The following CADM2 variants were observed in gnomAD, a reference collection of about 807,000 sequenced individuals.
CADM2 encodes immunoglobulin superfamily member 4D.
Under a neutral mutation model 49.8 loss-of-function variants are expected in CADM2, and 12 were observed. The ratio of observed to expected loss-of-function variants is 0.24; its 90% confidence interval spans 0.15 to 0.39. The LOEUF (loss-of-function observed/expected upper bound fraction) is 0.39. CADM2 is among the 10% of genes least tolerant of loss of function. CADM2 has a pLI of 1.00. For missense variants in CADM2, 378 were observed against 492.3 expected, an observed-to-expected ratio of 0.77 and a Z score of 2.20; for synonymous variants, 214 against 175.4, an observed-to-expected ratio of 1.22 and a Z score of -1.74.
chr3:85,071,829 T>A (rs1199467637), intron 1 of CADM2, among the ~76,000 whole-genome samples: 1 of 152,036 alleles, frequency 6.6e-6, no homozygotes, highest in Admixed American at 6.6e-5. Context: ...GTGAAAGTTA[T>A]GATATATGAT....
chr3:86,009,506 CG>C (rs1461538786), intron 8 of CADM2, among the ~76,000 whole-genome samples: 1 of 151,370 alleles, frequency 6.6e-6, no homozygotes, highest in Non-Finnish European at 1.5e-5. Context: ...TTAAATGAAG[CG>C]ATGAAATCGT....
At chr3:84,961,747 C>T (rs2030544398) in intron 1 of CADM2, among the ~76,000 whole-genome samples, 1 of 152,148 alleles carries the variant, frequency 6.6e-6, no homozygotes, top group Non-Finnish European at 1.5e-5. Flanking sequence ...TTTTCCCTGC[C>T]AATCTGTGTG....
At chr3:85,069,360 C>T (rs939386435) in intron 1 of CADM2, among the ~76,000 whole-genome samples, 1 of 151,774 alleles carries the variant, frequency 6.6e-6, no homozygotes, top group Admixed American at 6.6e-5. Flanking sequence ...AATATTTTTG[C>T]CAAAAACCAC....
chr3:85,951,362 A>G (rs150268705), intron 7 of CADM2, among the ~76,000 whole-genome samples: 39 of 151,260 alleles, frequency 2.6e-4, no homozygotes, highest in African/African-American at 9.2e-4. Context: ...AATTTAAAAG[A>G]TAAGTTGTTT....
chr3:85,110,893 A>C (rs2038431742), intron 1 of CADM2, among the ~76,000 whole-genome samples: 1 of 151,880 alleles, frequency 6.6e-6, no homozygotes, highest in Admixed American at 6.6e-5. Context: ...GTCTGTTTTA[A>C]GCTCACAAAG....
At chr3:85,220,227 G>T (rs1327400049) in intron 1 of CADM2, among the ~76,000 whole-genome samples, 1 of 151,918 alleles carries the variant, frequency 6.6e-6, no homozygotes, top group African/African-American at 2.4e-5. Context: ...CAATCTCTAG[G>T]TCTTTTTTAG....
chr3:85,018,756 A>G (rs2034369114), intron 1 of CADM2, among the ~76,000 whole-genome samples: 1 of 152,214 alleles, frequency 6.6e-6, no homozygotes, highest in South Asian at 2.1e-4. Context: ...TGAACAAATT[A>G]CTTTTGCTTT....
At chr3:85,232,670 A>C (rs981911239) in intron 1 of CADM2, among the ~76,000 whole-genome samples, 26 of 152,306 alleles carry the variant, frequency 1.7e-4, no homozygotes, top group Middle Eastern at 6.8e-3. Flanking sequence ...ATGTGAAAAA[A>C]AACACCCTAT....
chr3:85,681,653 C>A (rs1188498137), intron 1 of CADM2, among the ~76,000 whole-genome samples: 1 of 152,078 alleles, frequency 6.6e-6, no homozygotes, highest in Non-Finnish European at 1.5e-5. Context: ...ATGAAATTAA[C>A]ACTAGTGGAG....
At chr3:86,011,126 G>A (rs1015555001) in intron 8 of CADM2, among the ~76,000 whole-genome samples, 4 of 151,868 alleles carry the variant, frequency 2.6e-5, no homozygotes, top group Non-Finnish European at 4.4e-5. Flanking sequence ...GTATAATGTC[G>A]CCACATCAGT....
intron 1 of CADM2, among the ~76,000 whole-genome samples, chr3:85,464,120 T>C (rs190099890): frequency 9.2e-5 from 14 of 152,290 alleles, no homozygotes; most frequent in Admixed American, 2.6e-4. Context: ...AAAATAATTT[T>C]GGTGAATAAT....
At chr3:85,979,674 C>T (rs1402182858) in intron 8 of CADM2, among the ~76,000 whole-genome samples, 1 of 151,452 alleles carries the variant, frequency 6.6e-6, no homozygotes, top group Non-Finnish European at 1.5e-5. Context: ...TAATAACTTG[C>T]CACTCCTCTG....
At chr3:85,743,624 A>G (rs955088141) in intron 2 of CADM2, among the ~76,000 whole-genome samples, 2 of 151,958 alleles carry the variant, frequency 1.3e-5, no homozygotes, top group South Asian at 2.1e-4. Context: ...TGATCCCAGT[A>G]AAAAAAAGAA....
intron 1 of CADM2, among the ~76,000 whole-genome samples, chr3:85,645,794 A>C (rs2107566083): frequency 8.3e-6 from 1 of 119,960 alleles, no homozygotes; most frequent in Admixed American, 8.9e-5. Context: ...CTAAAAATAT[A>C]TTCAGAAATA....
rs534520336 is a variant in CADM2 at position 85,084,228 on chromosome 3, AAGT to A, written c.61+124562_61+124564del. Among the ~76,000 whole-genome samples, 392 of 152,266 alleles carry A rather than the reference AAGT, an allele frequency of 2.6e-3. 1 individual carries two copies. Among genetic ancestry groups the A allele is most frequent in the Non-Finnish European group, 4.1e-3 (279 of 68,022 alleles). ...ATTTACACTGCAAAATAATTCTTTG[AAGT>A]ATTTCTTTATGTATACCAGAGTTTC... On this transcript the variant is annotated intron_variant, in intron 1 of 9. Transcript: ENST00000383699.
intron 5 of CADM2, among the ~76,000 whole-genome samples, chr3:85,889,130 C>G (rs1039697390): frequency 6.6e-6 from 1 of 152,096 alleles, no homozygotes; most frequent in Non-Finnish European, 1.5e-5. Flanking sequence ...TTGAAGATGT[C>G]TTTGGGGTTA....
At chr3:85,863,993 A>G (rs1199266712) in intron 3 of CADM2, among the ~76,000 whole-genome samples, 1 of 152,128 alleles carries the variant, frequency 6.6e-6, no homozygotes, top group Non-Finnish European at 1.5e-5. Context: ...TGTATTGGTT[A>G]TGAAAACGTG....
At chr3:86,028,167 G>T (rs897311216) in intron 8 of CADM2, among the ~76,000 whole-genome samples, 9 of 149,656 alleles carry the variant, frequency 6.0e-5, no homozygotes, top group African/African-American at 2.2e-4. Context: ...TAACCTGCAC[G>T]TTGTGCACGT....
At chr3:85,329,930 C>A (rs1341144695) in intron 1 of CADM2, among the ~76,000 whole-genome samples, 1 of 151,980 alleles carries the variant, frequency 6.6e-6, no homozygotes, top group African/African-American at 2.4e-5. Context: ...TGATTAGTAG[C>A]AAGTACCATG....
Sources: allele counts gnomAD v4.1 joint callset (sites outside exome capture counted in the v4.1 genomes callset), GRCh38; gene constraint gnomAD v4.1.1; transcripts MANE v1.5; gene names NCBI Gene and HGNC (gene_info 2026-07-23, HGNC 2026-07-21).